Variants in CA5A observed in about 807,000 individuals in gnomAD.
CA5A encodes the protein carbonic anhydrase 5A.
A neutral mutation model predicts 37.1 loss-of-function variants in CA5A; 28 were observed. The ratio of observed to expected loss-of-function variants is 0.75; its 90% CI spans 0.56 to 1.03. The LOEUF (loss-of-function observed/expected upper bound fraction) is 1.03, where lower values mean the gene tolerates loss of function less well. Among genes scored for constraint, CA5A ranks in the 50% least tolerant of loss-of-function variants. CA5A has a pLI of 0.00. For synonymous variants in CA5A, 171 were observed against 158.4 expected (o/e 1.08, Z -0.60); for missense variants, 444 against 399.9 (o/e 1.11, Z -0.94).
At chr16:87,906,985 G>A (rs1429459962) in intron 2 of CA5A, among the ~76,000 whole-genome samples, 5 of 152,162 alleles carry the variant, frequency 3.3e-5, no homozygotes, top group Non-Finnish European at 7.4e-5. Flanking sequence ...GGGAGGCCAA[G>A]GCGGGTGTAT....
rs1162468866 is a variant in CA5A, at chr16:87,915,525, A to ATT, written c.341-10622_341-10621insAA. On this transcript the variant is annotated intron_variant, in intron 2 of 6. Transcript: ENST00000649794. ...GCAACAGTACCAGATCCTGTGTCAA[A>ATT]ATTTTTTTTTTTTTTTTTTTTTTTT... Among the ~76,000 whole-genome samples, 854 of 107,162 alleles carry ATT rather than the reference A, an allele frequency of 8.0e-3. 14 individuals carry two copies. The highest frequency in any genetic ancestry group is 0.012 in the Non-Finnish European group (614 of 51,340). 70.3% of individuals were successfully genotyped at this position (107,162 alleles called of 152,430 possible).
intron 2 of CA5A, among the ~76,000 whole-genome samples, chr16:87,917,739 A>G (rs1341841980): frequency 1.0e-5 from 1 of 100,364 alleles, no homozygotes; most frequent in Non-Finnish European, 1.8e-5. Flanking sequence ...ACACATGAAC[A>G]CACATGCACA....
chr16:87,917,118 A>AAG (rs1358360767), intron 2 of CA5A, among the ~76,000 whole-genome samples: 7 of 76,390 alleles, frequency 9.2e-5, no homozygotes, highest in African/African-American at 4.1e-4. Flanking sequence ...AAAAAAAAAA[A>AAG]AAAGAAAAGA....
intron 4 of CA5A, among the ~76,000 whole-genome samples, 154 bp from the exon 5 acceptor site, chr16:87,902,128 C>T (rs1383858929): frequency 2.0e-5 from 3 of 151,728 alleles, no homozygotes; most frequent in Non-Finnish European, 2.9e-5. Context: ...CCGAGGTGGG[C>T]GGATCATCTA....
Position 87,926,905 on chromosome 16 carries a change from G to T in CA5A, c.183C>A (p.Gly61=), listed in dbSNP as rs776858955. 3.1e-6 allele frequency: 5 copies of T among 1,605,066 alleles called. No homozygotes were observed. The South Asian group carries it at 5.6e-5, about 18-fold the overall frequency. ...LWTVPVSVPG[G]TRQSPINIQW... is the part of the protein sequence containing the mutation. ...GGATGTTAATAGGAGACTGCCGGGTGCCCCCTGGCACGGAGACCGGGACCG... is the reference window on the plus strand; with the variant it reads ...GGATGTTAATAGGAGACTGCCGGGTTCCCCCTGGCACGGAGACCGGGACCG... Residue 61 remains glycine (G), a synonymous_variant, in exon 2 of 7, where the codon GGC becomes GGA. Transcript: ENST00000649794.
At chr16:87,893,944 C>G (rs2055764107) in intron 5 of CA5A, among the ~76,000 whole-genome samples, 1 of 151,704 alleles carries the variant, frequency 6.6e-6, no homozygotes, top group Non-Finnish European at 1.5e-5. Context: ...TTGTTTGTAG[C>G]CAGGGGGTCT....
intron 2 of CA5A, among the ~76,000 whole-genome samples, chr16:87,925,962 C>T (rs1048142761): frequency 2.0e-5 from 3 of 152,230 alleles, no homozygotes; most frequent in Non-Finnish European, 4.4e-5. Flanking sequence ...GTGGCTCACG[C>T]CTGTAACCCC....
chr16:87,919,343 A>G (rs1208800533), intron 2 of CA5A, among the ~76,000 whole-genome samples: 1 of 152,114 alleles, frequency 6.6e-6, no homozygotes. Context: ...CTCTCCAAAC[A>G]CACCTTGCTC....
chr16:87,933,170 C>G (rs535438359), intron 1 of CA5A, among the ~76,000 whole-genome samples: 1 of 152,324 alleles, frequency 6.6e-6, no homozygotes, highest in East Asian at 1.9e-4. Flanking sequence ...CAAAAATGTG[C>G]AGCAGTGTGC....
chr16:87,923,724 G>T (rs2056261963), intron 2 of CA5A: 1 of 985,042 alleles, frequency 1.0e-6, no homozygotes, highest in Non-Finnish European at 1.2e-6. Context: ...AACCTTCAAA[G>T]TTTATACTTT....
chr16:87,888,522 C>G (rs1283485464), intron 6 of CA5A, among the ~76,000 whole-genome samples: 1 of 152,156 alleles, frequency 6.6e-6, no homozygotes, highest in African/African-American at 2.4e-5. Flanking sequence ...ACTCAAGCAG[C>G]CCCGAGGAGA....
intron 1 of CA5A, among the ~76,000 whole-genome samples, chr16:87,929,858 C>T (rs1037444419): frequency 8.4e-5 from 9 of 107,076 alleles, no homozygotes; most frequent in South Asian, 3.2e-4. Flanking sequence ...GGCAATACAG[C>T]GAGACTCCGT....
At chr16:87,895,669 AG>A (rs1227432884) in intron 5 of CA5A, among the ~76,000 whole-genome samples, 1 of 152,218 alleles carries the variant, frequency 6.6e-6, no homozygotes, top group Non-Finnish European at 1.5e-5. Context: ...TTCCACCTCA[AG>A]GGGGAAGCTT....
At chr16:87,891,680 A>G (rs185991246) in intron 6 of CA5A, 119 bp downstream of exon 6, 2 of 930,082 alleles carry the variant, frequency 2.2e-6, no homozygotes, top group Non-Finnish European at 3.0e-6. Context: ...GAATGCCCCA[A>G]ATGCATGAAA....
chr16:87,906,042 T>G (rs1441668654), intron 2 of CA5A, among the ~76,000 whole-genome samples: 3 of 152,226 alleles, frequency 2.0e-5, no homozygotes, highest in African/African-American at 4.8e-5. Flanking sequence ...CTCCTGTGTC[T>G]AAGTACTTTG....
At chr16:87,896,019 G>A (rs1456607648) in intron 5 of CA5A, among the ~76,000 whole-genome samples, 2 of 152,182 alleles carry the variant, frequency 1.3e-5, no homozygotes, top group African/African-American at 4.8e-5. Flanking sequence ...GCAGTGAGAC[G>A]TCCGTCTCCT....
At chr16:87,935,470 G>T (rs1372422992) in intron 1 of CA5A, among the ~76,000 whole-genome samples, 2 of 152,220 alleles carry the variant, frequency 1.3e-5, no homozygotes, top group Non-Finnish European at 2.9e-5. Flanking sequence ...GGTGAGTCGT[G>T]CCAGTGTGTC....
intron 1 of CA5A, among the ~76,000 whole-genome samples, chr16:87,929,666 A>C (rs1453157016): frequency 1.3e-5 from 2 of 151,626 alleles, no homozygotes; most frequent in Admixed American, 6.6e-5. Flanking sequence ...AGGTCAGGAG[A>C]TCGAGACCAT....
At chr16:87,891,161 G>A (rs1021367204) in intron 6 of CA5A, among the ~76,000 whole-genome samples, 1 of 150,826 alleles carries the variant, frequency 6.6e-6, no homozygotes, top group Non-Finnish European at 1.5e-5. Flanking sequence ...AAAAAGCAAT[G>A]AAACTATTTA....
Sources: gnomAD v4.1 joint callset for allele counts (sites outside exome capture counted in the v4.1 genomes callset) on GRCh38, gnomAD v4.1.1 for gene constraint, MANE v1.5 for transcripts, NCBI Gene and HGNC (gene_info 2026-07-23, HGNC 2026-07-21) for gene names.